Variants in RBM46 observed in about 807,000 individuals in gnomAD.
The protein encoded by RBM46 is probable RNA-binding protein 46.
In RBM46, 12 loss-of-function variants were observed where a neutral mutation model predicts 43.3. The ratio of observed to expected loss-of-function variants is 0.28; its 90% CI spans 0.18 to 0.45. The LOEUF (loss-of-function observed/expected upper bound fraction) is 0.45, where lower values mean the gene tolerates loss of function less well. Ranked by LOEUF, RBM46 falls within the 20% of genes least tolerant of loss-of-function variation. The pLI is 1.00. For synonymous variants in RBM46, 205 were observed against 207.6 expected, an observed-to-expected ratio of 0.99 and a Z score of 0.11; for missense variants, 412 against 639.1, an observed-to-expected ratio of 0.64 and a Z score of 3.83.
intron 1 of RBM46, among the ~76,000 whole-genome samples, chr4:154,795,812 A>T (rs889429146): frequency 6.6e-6 from 1 of 152,184 alleles, no homozygotes; most frequent in Admixed American, 6.5e-5. Context: ...TGAAGTAAAA[A>T]ATAATCATCT....
chr4:154,816,854 C>A (rs902449952), intron 4 of RBM46, among the ~76,000 whole-genome samples: 1 of 151,916 alleles, frequency 6.6e-6, no homozygotes, highest in African/African-American at 2.4e-5. Flanking sequence ...CTCTTTTATT[C>A]CTGCTTTGTA....
At chr4:154,822,582 T>G (rs1735768968) in intron 4 of RBM46, among the ~76,000 whole-genome samples, 4 of 151,690 alleles carry the variant, frequency 2.6e-5, no homozygotes, top group Non-Finnish European at 5.9e-5. Context: ...AAAAAAAGTT[T>G]TTTTTTGCAG....
intron 4 of RBM46, among the ~76,000 whole-genome samples, chr4:154,801,063 C>T (rs1366095049): frequency 1.3e-5 from 2 of 151,490 alleles, no homozygotes; most frequent in East Asian, 1.9e-4. Flanking sequence ...TCACTGCAAC[C>T]TGTCTCCTGG....
intron 4 of RBM46, among the ~76,000 whole-genome samples, chr4:154,800,450 A>G (rs532573072): frequency 6.6e-6 from 1 of 152,344 alleles, no homozygotes; most frequent in South Asian, 2.1e-4. Flanking sequence ...TGTTTTTCAA[A>G]AAGTAAATTT....
At chr4:154,800,471 G>A (rs747504286) in intron 4 of RBM46, among the ~76,000 whole-genome samples, 3 of 152,130 alleles carry the variant, frequency 2.0e-5, no homozygotes, top group Admixed American at 6.5e-5. Context: ...TCTTTAAAAC[G>A]TTTGAAGGAT....
intron 4 of RBM46, among the ~76,000 whole-genome samples, chr4:154,807,936 T>C (rs1319618349): frequency 6.6e-6 from 1 of 151,984 alleles, no homozygotes; most frequent in Non-Finnish European, 1.5e-5. Context: ...ATGTACACAA[T>C]AGTTCATATT....
chr4:154,788,446 C>T (rs1031899613), intron 1 of RBM46, among the ~76,000 whole-genome samples: 3 of 139,590 alleles, frequency 2.1e-5, no homozygotes, highest in Admixed American at 2.0e-4. Context: ...AATAGGGAAT[C>T]GTTTCCCCAT....
At chr4:154,814,969 A>G (rs562986795) in intron 4 of RBM46, among the ~76,000 whole-genome samples, 1 of 151,990 alleles carries the variant, frequency 6.6e-6, no homozygotes, top group African/African-American at 2.4e-5. Flanking sequence ...AGGTAAAGAC[A>G]TAAAATACCA....
intron 4 of RBM46, among the ~76,000 whole-genome samples, chr4:154,809,480 C>A (rs544438852): frequency 6.6e-6 from 1 of 151,898 alleles, no homozygotes; most frequent in South Asian, 2.1e-4. Context: ...AATCAACTCC[C>A]AAGTATTTAG....
intron 3 of RBM46, 79 bp downstream of exon 3, chr4:154,798,357 T>A: frequency 1.2e-6 from 1 of 850,642 alleles, no homozygotes; most frequent in East Asian, 2.6e-5. Context: ...ATCAATATTA[T>A]CAAAATACTA....
At chr4:154,824,488 T>C (rs185722662) in intron 4 of RBM46, among the ~76,000 whole-genome samples, 11 of 152,206 alleles carry the variant, frequency 7.2e-5, no homozygotes, top group Admixed American at 7.2e-4. Context: ...AATTGAAGTA[T>C]ATTCACACAA....
intron 1 of RBM46, chr4:154,787,083 A>C (rs2111089880): frequency 6.6e-6 from 1 of 152,338 alleles, no homozygotes; most frequent in Admixed American, 6.5e-5. Flanking sequence ...AGATCTTTAT[A>C]ATATAACTTT....
chr4:154,787,188 TTCTA>T (rs916679170), intron 1 of RBM46: 1 of 152,174 alleles, frequency 6.6e-6, no homozygotes, highest in African/African-American at 2.4e-5. Context: ...CTGATATGTC[TTCTA>T]TCTGAGGACA....
At chr4:154,794,267 G>A (rs1460141231) in intron 1 of RBM46, among the ~76,000 whole-genome samples, 10 of 143,848 alleles carry the variant, frequency 7.0e-5, no homozygotes, top group Non-Finnish European at 1.3e-4. Flanking sequence ...TGCAAGCTCC[G>A]CCTCCCGGGT....
At chr4:154,810,844 A>T (rs572053235) in intron 4 of RBM46, among the ~76,000 whole-genome samples, 1 of 152,168 alleles carries the variant, frequency 6.6e-6, no homozygotes, top group Non-Finnish European at 1.5e-5. Flanking sequence ...TACTTTTTGC[A>T]AACTGATTAA....
chr4:154,788,642 G>C (rs1465664512), intron 1 of RBM46, among the ~76,000 whole-genome samples: 1 of 152,124 alleles, frequency 6.6e-6, no homozygotes, highest in Non-Finnish European at 1.5e-5. Flanking sequence ...TGTTCTTTTT[G>C]CTTAGGATTG....
rs554776660 is a variant in RBM46, at chr4:154,796,827, A to G, written c.75A>G (p.Leu25=). Residue 25 remains leucine, a synonymous_variant, in exon 2 of 5, where the codon TTA becomes TTG. Coordinates refer to ENST00000281722, the MANE Select transcript of RBM46 (RefSeq NM_144979.5). The part of the protein sequence containing the change: ...VRTGIQNEAA[L]LALMEKTGYN... ...CTGGTATTCAGAATGAAGCAGCATT[A>G]CTTGCTTTGATGGAAAAGACTGGTT... 20 of 1,613,686 alleles carry G rather than the reference A, an allele frequency of 1.2e-5. No homozygotes were observed. The highest frequency in any genetic ancestry group is 1.7e-5 in the Non-Finnish European group (20 of 1,179,584).
intron 4 of RBM46, among the ~76,000 whole-genome samples, chr4:154,819,639 T>G (rs1172150590): frequency 6.6e-6 from 1 of 152,230 alleles, no homozygotes; most frequent in Non-Finnish European, 1.5e-5. Flanking sequence ...TGTGATTATT[T>G]TTATACTGAA....
intron 4 of RBM46, among the ~76,000 whole-genome samples, chr4:154,805,320 T>C (rs1261274236): frequency 2.6e-5 from 4 of 152,144 alleles, no homozygotes; most frequent in African/African-American, 9.6e-5. Context: ...CCATCTTGAT[T>C]TGTGTGGACC....
Sources: gnomAD v4.1 joint callset for allele counts (sites outside exome capture counted in the v4.1 genomes callset) on GRCh38, gnomAD v4.1.1 for gene constraint, MANE v1.5 for transcripts, NCBI Gene and HGNC (gene_info 2026-07-23, HGNC 2026-07-21) for gene names.